LRP8: variants seen among roughly 807,000 people sequenced by gnomAD.
LRP8 encodes low-density lipoprotein receptor-related protein 8.
LRP8 carries 46 observed loss-of-function variants against 111.6 expected under a neutral mutation model. The observed-to-expected ratio is 0.41, with a 90% confidence interval of 0.33 to 0.53. The LOEUF (loss-of-function observed/expected upper bound fraction) is 0.53. LRP8 is among the 20% of genes least tolerant of loss of function. The pLI, the probability that LRP8 is intolerant of heterozygous loss-of-function variation, is 0.20. For missense variants in LRP8, 959 were observed against 1,297.4 expected (o/e 0.74, Z 4.01); for synonymous variants, 464 against 511.2 (o/e 0.91, Z 1.24).
rs1208865883 is a variant in LRP8 at position 53,271,134 on chromosome 1, G to C, written c.1146C>G (p.Asp382Glu). The C allele has an allele frequency of 6.2e-7, 1 of 1,613,950 alleles. No homozygotes were observed. The highest frequency in any genetic ancestry group is 1.3e-5 in the African/African-American group (1 of 74,952). ...CACAGATCTGGCTGCAGGCATCTGG[G>C]TCCTTGCACTCATCAATGTCTGTGG... ...KTCGDIDECK[D>E]PDACSQICVN... The change falls in exon 8 of 19, where the codon GAC becomes GAG. Residue 382 changes from aspartate (D) to glutamate (E), a missense_variant. By Grantham distance (45) the Asp-to-Glu change is conservative (BLOSUM62 2). This residue lies in a region of LRP8 where 819 missense variants were observed against 1,097.6 expected (regional missense o/e 0.75). Coordinates refer to ENST00000306052, the MANE Select transcript of LRP8 (RefSeq NM_004631.5).
intron 2 of LRP8, among the ~76,000 whole-genome samples, chr1:53,326,198 T>C (rs1487793868): frequency 6.6e-6 from 1 of 152,204 alleles, no homozygotes; most frequent in African/African-American, 2.4e-5. Context: ...AAAAAGGTCT[T>C]CACTGTGACT....
intron 13 of LRP8, among the ~76,000 whole-genome samples, chr1:53,259,891 G>GCT (rs1646265403): frequency 6.6e-6 from 1 of 152,116 alleles, no homozygotes; most frequent in South Asian, 2.1e-4. Context: ...ACACTCCCTT[G>GCT]CTCTCCCTCT....
Position 53,262,006 on chromosome 1 carries a change from G to GAAC in LRP8, c.1914+59_1914+61dup. The GAAC allele has an allele frequency of 6.3e-7, 1 of 1,584,100 alleles. No homozygotes were observed. Among genetic ancestry groups the GAAC allele is most frequent in the Non-Finnish European group, 8.6e-7 (1 of 1,161,514 alleles). On this transcript the variant is annotated intron_variant, in intron 12 of 18. Transcript: ENST00000306052. This position sits in a 1 kb window ranked among gnomAD's most constrained non-coding sequence, Gnocchi z 4.8. ...CAAGTCTCAGGGACTCATCCTATTTGAACAAGCATTTTCTAGGCTTCAGCT... is the reference window on the plus strand; with the variant it reads ...CAAGTCTCAGGGACTCATCCTATTTGAACAACAAGCATTTTCTAGGCTTCAGCT...
chr1:53,252,367 A>C (rs1645925824), intron 16 of LRP8, among the ~76,000 whole-genome samples: 1 of 151,874 alleles, frequency 6.6e-6, no homozygotes, highest in Non-Finnish European at 1.5e-5. Flanking sequence ...TGGTCTTTAC[A>C]AAAAAATTAA....
chr1:53,267,024 C>T (rs577589937), intron 8 of LRP8: 12 of 191,296 alleles, frequency 6.3e-5, no homozygotes, highest in South Asian at 3.6e-4. Context: ...CATTACCTAG[C>T]CATGGATGGG....
chr1:53,316,796 A>G (rs971965709), intron 2 of LRP8, among the ~76,000 whole-genome samples: 1 of 152,234 alleles, frequency 6.6e-6, no homozygotes, highest in Non-Finnish European at 1.5e-5. Flanking sequence ...GTTTATAACA[A>G]GCAGCCCTCT....
At chr1:53,310,902 AG>A (rs1275918225) in intron 2 of LRP8, among the ~76,000 whole-genome samples, 3 of 151,916 alleles carry the variant, frequency 2.0e-5, no homozygotes, top group Non-Finnish European at 2.9e-5. Flanking sequence ...GCCTGAAGAA[AG>A]CCATACTATA....
rs1646571120 is a variant in LRP8 at position 53,266,632 on chromosome 1, G to T, written c.1268C>A (p.Ser423Tyr). The change falls in exon 9 of 19, where the codon TCC (serine) becomes TAC (tyrosine). Residue 423 changes from serine to tyrosine, a missense_variant. Ser to Tyr is a moderately radical substitution (Grantham distance 144, BLOSUM62 -2). Transcript: ENST00000306052. This position sits in a 1 kb window ranked among gnomAD's most constrained non-coding sequence, Gnocchi z 5.0. ...NCKAAAGKSP[S>Y]LIFTNRHEVR... ...CTCGTGCCGGTTGGTGAAGATTAGG[G>T]ATGGGCTCTTGCCAGCTGTCATGCA... 1 of 1,614,020 alleles carries T rather than the reference G, an allele frequency of 6.2e-7. No individual in the cohort carries two copies. Among genetic ancestry groups the T allele is most frequent in the Non-Finnish European group, 8.5e-7 (1 of 1,179,930 alleles).
chr1:53,307,625 G>A (rs1290710821), intron 2 of LRP8, among the ~76,000 whole-genome samples: 4 of 152,222 alleles, frequency 2.6e-5, no homozygotes, highest in Non-Finnish European at 5.9e-5. Flanking sequence ...GACACACACT[G>A]CAGCACACAG....
chr1:53,303,449 C>G lies in LRP8; in HGVS notation c.245-13760G>C, dbSNP rs770013288. ...AGCAGCCTCGCGCTCCCATGGCAAC[C>G]TCAGCAAAGCAATTGCACTCCTCCC... On this transcript the variant is annotated intron_variant, in intron 2 of 18. Coordinates refer to ENST00000306052, the MANE Select transcript of LRP8 (RefSeq NM_004631.5). This position sits in a 1 kb window ranked among gnomAD's most constrained non-coding sequence, Gnocchi z 4.3. Among the ~76,000 whole-genome samples the G allele has an allele frequency of 2.0e-5, 3 of 152,182 alleles. No homozygotes were observed. The highest frequency in any genetic ancestry group is 4.4e-5 in the Non-Finnish European group (3 of 68,024).
At position 53,249,444 on chromosome 1, in the gene LRP8, G is replaced by T. The variant is rs1194404231; in HGVS notation, c.2789C>A (p.Pro930Gln). Residue 930 changes from proline (P) to glutamine (Q), a missense_variant, in exon 18 of 19, where the codon CCA becomes CAA. By Grantham distance (76) the Pro-to-Gln change is moderately conservative. This residue lies in a region of LRP8 where 819 missense variants were observed against 1,097.6 expected (regional missense o/e 0.75). Transcript: ENST00000306052. This position sits in a 1 kb window ranked among gnomAD's most constrained non-coding sequence, Gnocchi z 4.1. ...LKELFVLPGE[P>Q]RSQLHQLPKN... ...CGGGAGTTGGTGCAGCTGTGACCTT[G>T]GTTCCCCCGGCAAGACAAAAAGCTC... 1.9e-6 allele frequency: 3 copies of T among 1,614,082 alleles called. No homozygotes were observed. The highest frequency in any genetic ancestry group is 2.7e-5 in the African/African-American group (2 of 74,936).
chr1:53,275,424 G>A lies in LRP8; in HGVS notation c.1006+207C>T, dbSNP rs555053949. On this transcript the variant is annotated intron_variant, in intron 6 of 18. Transcript: ENST00000306052. The surrounding 1 kb of genome is among the most constrained non-coding windows in gnomAD (Gnocchi z 4.4). ...GTCATGTCCCCCTAGGTGTCTTTCA[G>A]CTTTGGCAAAGTCCTTACAAATCCA... Among the ~76,000 whole-genome samples, 2 of 152,306 alleles carry A rather than the reference G, an allele frequency of 1.3e-5. No homozygotes were observed. The highest frequency in any genetic ancestry group is 3.9e-4 in the East Asian group (2 of 5,174).
intron 2 of LRP8, among the ~76,000 whole-genome samples, chr1:53,302,603 C>T (rs186264575): frequency 2.6e-5 from 4 of 152,182 alleles, no homozygotes; most frequent in East Asian, 3.9e-4. Context: ...GAATGTCCAC[C>T]TCTCGCTTTT....
chr1:53,260,397 C>CT, intron 13 of LRP8, 67 bp downstream of exon 13: 1 of 1,515,322 alleles, frequency 6.6e-7, no homozygotes, highest in South Asian at 1.2e-5. Context: ...CACAGCCTGC[C>CT]TGGTGAAAGG....
At position 53,299,998 on chromosome 1, in the gene LRP8, G is replaced by A. The variant is rs568509294; in HGVS notation, c.245-10309C>T. Reference sequence around the variant, plus strand: ...CTTACAGTCCACTCCTGTGGCTCCAGGGGCTACAAATCCAGAGCCAGTAGT... The same window carrying A: ...CTTACAGTCCACTCCTGTGGCTCCAAGGGCTACAAATCCAGAGCCAGTAGT... On this transcript the variant is annotated intron_variant, in intron 2 of 18. Coordinates refer to ENST00000306052, the MANE Select transcript of LRP8 (RefSeq NM_004631.5). Among the ~76,000 whole-genome samples, 5 of 152,380 alleles carry A rather than the reference G, an allele frequency of 3.3e-5. No individual in the cohort carries two copies. The South Asian group carries it at 8.3e-4, about 25-fold the overall frequency.
In LRP8 at chr1:53,283,518, G is replaced by A. The variant is rs572112842; in HGVS notation, c.368-2803C>T. Among the ~76,000 whole-genome samples, 18 of 120,136 alleles carry A rather than the reference G, an allele frequency of 1.5e-4. No individual in the cohort carries two copies. The South Asian group carries it at 4.1e-3, about 28-fold the overall frequency. 78.8% of individuals were successfully genotyped at this position (120,136 alleles called of 152,430 possible). A position where few individuals can be genotyped will look rare whatever the true frequency, so the allele number is the denominator to read the frequency against. ...CCACTTACTTACTTACTACATACCC[G>A]GGCCACTTACTTACTACATACCCGG... On this transcript the variant is annotated intron_variant, in intron 3 of 18. Coordinates refer to ENST00000306052, the MANE Select transcript of LRP8 (RefSeq NM_004631.5).
chr1:53,249,419 C>T lies in LRP8; in HGVS notation c.2814G>A (p.Pro938=), dbSNP rs145707126. 13 of 1,614,046 alleles carry T rather than the reference C, an allele frequency of 8.1e-6. No individual in the cohort carries two copies. The Middle Eastern group carries it at 6.6e-4, about 82-fold the overall frequency. The stretch of plus-strand genomic sequence containing the variant: ...CAGGCAGCTCGGAAAGAGGGTTCTT[C>T]GGGAGTTGGTGCAGCTGTGACCTTG... ...GEPRSQLHQL[P]KNPLSELPVV... Residue 938 remains proline (P), a synonymous_variant, in exon 18 of 19, where the codon CCG becomes CCA. Transcript: ENST00000306052. This position sits in a 1 kb window ranked among gnomAD's most constrained non-coding sequence, Gnocchi z 4.1.
At chr1:53,261,223 C>T (rs528970057) in intron 12 of LRP8, among the ~76,000 whole-genome samples, 1 of 152,232 alleles carries the variant, frequency 6.6e-6, no homozygotes, top group Non-Finnish European at 1.5e-5. Context: ...GAGGAATGCA[C>T]ACTTTTATTC....
At chr1:53,311,594 CCCCCAGCCTCCCCAGTGTGCT>C (rs988221503) in intron 2 of LRP8, among the ~76,000 whole-genome samples, 1 of 144,244 alleles carries the variant, frequency 6.9e-6, no homozygotes, top group African/African-American at 3.0e-5. Flanking sequence ...ACCCTCCCTG[CCCCCAGCCTCCCCAGTGTGCT>C]CCCCAGCCCA....
Sources: allele counts gnomAD v4.1 joint callset (sites outside exome capture counted in the v4.1 genomes callset), GRCh38; gene constraint gnomAD v4.1.1; regional missense constraint gnomAD v4.1.1; non-coding constraint Gnocchi (gnomAD v3.1); transcripts MANE v1.5; gene names NCBI Gene and HGNC (gene_info 2026-07-23, HGNC 2026-07-21).